Variants in TPRG1 observed in about 807,000 individuals in gnomAD.
The protein encoded by TPRG1 is tumor protein p63-regulated gene 1 protein.
A neutral mutation model predicts 29.3 loss-of-function variants in TPRG1; 29 were observed. The observed-to-expected ratio is 0.99, with a 90% confidence interval of 0.74 to 1.35. The LOEUF (loss-of-function observed/expected upper bound fraction) is 1.35, where lower values mean the gene tolerates loss of function less well. TPRG1 is among the 40% of genes most tolerant of loss of function. TPRG1 has a pLI of 0.00. For missense variants in TPRG1, 327 were observed against 335.0 expected, an observed-to-expected ratio of 0.98 and a Z score of 0.19; for synonymous variants, 130 against 116.8, an observed-to-expected ratio of 1.11 and a Z score of -0.73.
chr3:189,097,503 C>T (rs1421817372), upstream of TPRG1, among the ~76,000 whole-genome samples: 2 of 152,176 alleles, frequency 1.3e-5, no homozygotes, highest in South Asian at 4.1e-4. Flanking sequence ...TATTATACTT[C>T]AGGAAACAGC....
intron 1 of TPRG1, among the ~76,000 whole-genome samples, chr3:189,188,041 G>A (rs1731187287): frequency 6.6e-6 from 1 of 152,114 alleles, no homozygotes; most frequent in Non-Finnish European, 1.5e-5. Flanking sequence ...CTCCCAAATG[G>A]AGTGAAAGCT....
chr3:189,086,421 C>T (rs779391553), intron 4 of TPRG1, among the ~76,000 whole-genome samples: 9 of 151,772 alleles, frequency 5.9e-5, no homozygotes, highest in Non-Finnish European at 1.2e-4. Flanking sequence ...TGCAGTGGCA[C>T]AATCAAAGCT....
intron 4 of TPRG1, among the ~76,000 whole-genome samples, chr3:189,302,636 A>G (rs1721016089): frequency 6.6e-6 from 1 of 152,220 alleles, no homozygotes; most frequent in Non-Finnish European, 1.5e-5. Flanking sequence ...TGGACTCCAA[A>G]TAGGCCATTT....
At chr3:189,132,061 G>C (rs1723166608) in intron 2 of TPRG1, among the ~76,000 whole-genome samples, 1 of 152,156 alleles carries the variant, frequency 6.6e-6, no homozygotes, top group African/African-American at 2.4e-5. Flanking sequence ...CTCTGGCTCT[G>C]ATAGTGCACG....
chr3:189,239,856 T>G (rs561343840), intron 4 of TPRG1, among the ~76,000 whole-genome samples: 8 of 152,308 alleles, frequency 5.3e-5, no homozygotes, highest in African/African-American at 1.9e-4. Flanking sequence ...TGGTGAGGTC[T>G]ACAGAGGAGA....
At chr3:189,181,615 TA>T (rs1175905597) in intron 1 of TPRG1, among the ~76,000 whole-genome samples, 1 of 152,170 alleles carries the variant, frequency 6.6e-6, no homozygotes, top group Non-Finnish European at 1.5e-5. Context: ...GCCTGGACCT[TA>T]TTGTTCATAT....
At chr3:189,296,991 T>C (rs972608412) in intron 4 of TPRG1, among the ~76,000 whole-genome samples, 3 of 148,362 alleles carry the variant, frequency 2.0e-5, no homozygotes, top group Admixed American at 6.7e-5. Flanking sequence ...TCTTCTTCTT[T>C]TTTTCTGAAA....
chr3:189,231,961 G>GTGTGTGTGTGTGTGTA (rs1173503338), intron 3 of TPRG1, among the ~76,000 whole-genome samples: 1 of 151,938 alleles, frequency 6.6e-6, no homozygotes, highest in Non-Finnish European at 1.5e-5. Context: ...GTGTGTGTGT[G>GTGTGTGTGTGTGTGTA]TGTGTGTGTG....
Position 189,232,949 on chromosome 3 carries a change from T to C in TPRG1, c.303-5784T>C, listed in dbSNP as rs1738898810. ...TTGTGTTTGAAGAGCAAAACAAAAT[T>C]GGATCCTCTTCAGGGCCTGAAACCC... On this transcript the variant is annotated intron_variant, in intron 3 of 5. Coordinates refer to ENST00000345063, the MANE Select transcript of TPRG1 (RefSeq NM_198485.4). 2.0e-5 allele frequency among the ~76,000 whole-genome samples: 3 copies of C among 152,124 alleles called. No individual in the cohort carries two copies. In the South Asian group the frequency reaches 6.2e-4, roughly 32 times the overall value.
intron 4 of TPRG1, among the ~76,000 whole-genome samples, chr3:189,086,280 T>C (rs1717929114): frequency 6.6e-6 from 1 of 152,098 alleles, no homozygotes; most frequent in Non-Finnish European, 1.5e-5. Context: ...TTATCCTAGC[T>C]GTGCTGGCAG....
chr3:189,126,193 A>G (rs1157883167), intron 1 of TPRG1, among the ~76,000 whole-genome samples: 1 of 152,196 alleles, frequency 6.6e-6, no homozygotes, highest in East Asian at 1.9e-4. Flanking sequence ...TGCTGACACC[A>G]GGAAAACTCT....
intron 1 of TPRG1, among the ~76,000 whole-genome samples, chr3:188,999,758 C>A (rs1711942069): frequency 6.6e-6 from 1 of 151,908 alleles, no homozygotes; most frequent in Admixed American, 6.6e-5. Flanking sequence ...TATAATAGGT[C>A]TCCCCACTTT....
intron 4 of TPRG1, among the ~76,000 whole-genome samples, chr3:189,249,447 CTG>C (rs1741835477): frequency 6.6e-6 from 1 of 151,764 alleles, no homozygotes; most frequent in Non-Finnish European, 1.5e-5. Flanking sequence ...TTTTGAGTCT[CTG>C]TGTTTTTGAT....
At chr3:189,176,567 G>A (rs752446554) in intron 1 of TPRG1, among the ~76,000 whole-genome samples, 22 of 152,218 alleles carry the variant, frequency 1.4e-4, no homozygotes, top group Non-Finnish European at 2.8e-4. Flanking sequence ...CAATAGAACA[G>A]AGAAAGAGGA....
At chr3:189,160,149 G>T (rs1243749526) in intron 5 of TPRG1, among the ~76,000 whole-genome samples, 2 of 152,262 alleles carry the variant, frequency 1.3e-5, no homozygotes, top group East Asian at 3.9e-4. Flanking sequence ...AAGTATGTCA[G>T]CACCTCTGGG....
intron 1 of TPRG1, among the ~76,000 whole-genome samples, chr3:189,202,909 G>C (rs1198681582): frequency 1.3e-5 from 2 of 152,132 alleles, no homozygotes; most frequent in African/African-American, 4.8e-5. Flanking sequence ...GAGTTTGATG[G>C]CCGTTTCTTT....
chr3:189,140,601 C>G (rs1033387563), intron 3 of TPRG1, among the ~76,000 whole-genome samples: 1 of 152,188 alleles, frequency 6.6e-6, no homozygotes, highest in Admixed American at 6.6e-5. Context: ...GAAGGCCAGT[C>G]TCTTCTAAGG....
At chr3:189,213,936 T>A (rs1255257357) in intron 2 of TPRG1, among the ~76,000 whole-genome samples, 1 of 152,188 alleles carries the variant, frequency 6.6e-6, no homozygotes, top group Non-Finnish European at 1.5e-5. Flanking sequence ...TATTGAGAGA[T>A]GTTTGCGGTT....
At chr3:189,158,954 G>A (rs540213056) in intron 5 of TPRG1, among the ~76,000 whole-genome samples, 165 of 145,608 alleles carry the variant, frequency 1.1e-3, no homozygotes, top group African/African-American at 4.2e-3. Flanking sequence ...GTTTTTTTTG[G>A]TCTTTTTGCC....
Sources: gnomAD v4.1 joint callset for allele counts (sites outside exome capture counted in the v4.1 genomes callset) on GRCh38, gnomAD v4.1.1 for gene constraint, MANE v1.5 for transcripts, NCBI Gene and HGNC (gene_info 2026-07-23, HGNC 2026-07-21) for gene names.